MGA: variants seen among roughly 807,000 people sequenced by gnomAD.
The protein encoded by MGA is MAX dimerization protein MGA, also known as MAX gene-associated protein.
Under a neutral mutation model 261.1 loss-of-function variants are expected in MGA, and 40 were observed. The observed-to-expected ratio is 0.15, with a 90% CI of 0.12 to 0.20. MGA has a LOEUF of 0.20. Among genes scored for constraint, MGA ranks in the 10% least tolerant of loss-of-function variants. The pLI is 1.00. For missense variants in MGA, 3,397 were observed against 3,630.5 expected (o/e 0.94, Z 1.65); for synonymous variants, 1,302 against 1,290.6 (o/e 1.01, Z -0.19).
chr15:41,699,297 TC>T lies in MGA; in HGVS notation c.2188+139del, dbSNP rs2059711537. The T allele has an allele frequency of 6.6e-6, 4 of 609,356 alleles. No homozygotes were observed. The Admixed American group carries it at 1.5e-4, about 22-fold the overall frequency. 37.7% of individuals were successfully genotyped at this position (609,356 alleles called of 1,614,324 possible). On this transcript the variant is annotated intron_variant, in intron 5 of 23. Coordinates refer to ENST00000219905, the MANE Select transcript of MGA (RefSeq NM_001164273.2). ...CTTTCTAGCCTTGATTTCATTTCTTTCAGCACGTCTTTCAGTTTGCATATTT... is the reference window on the plus strand; with the variant it reads ...CTTTCTAGCCTTGATTTCATTTCTTTAGCACGTCTTTCAGTTTGCATATTT...
At chr15:41,677,607 A>C (rs2058453706) in intron 2 of MGA, among the ~76,000 whole-genome samples, 1 of 152,228 alleles carries the variant, frequency 6.6e-6, no homozygotes, top group African/African-American at 2.4e-5. Context: ...CCTGGCCAGC[A>C]CTTAACTGTT....
intron 1 of MGA, among the ~76,000 whole-genome samples, chr15:41,644,028 C>G (rs1226158470): frequency 6.6e-6 from 1 of 151,894 alleles, no homozygotes; most frequent in Non-Finnish European, 1.5e-5. Flanking sequence ...CAACATAATT[C>G]TTTTATTTTT....
chr15:41,706,098 C>T (rs572540110), intron 5 of MGA, among the ~76,000 whole-genome samples: 82 of 151,762 alleles, frequency 5.4e-4, no homozygotes, highest in African/African-American at 1.9e-3. Flanking sequence ...TTAGCCGGGC[C>T]TGGTGGCACA....
At chr15:41,670,481 G>A (rs2057988169) in intron 2 of MGA, among the ~76,000 whole-genome samples, 1 of 152,134 alleles carries the variant, frequency 6.6e-6, no homozygotes, top group African/African-American at 2.4e-5. Context: ...CTTCAGTTAT[G>A]CCAGGTAAAT....
At chr15:41,719,963 ATAACT>A (rs761406367) in intron 9 of MGA, among the ~76,000 whole-genome samples, 10 of 147,044 alleles carry the variant, frequency 6.8e-5, no homozygotes, top group South Asian at 2.1e-4. Flanking sequence ...TATTTAAAAA[ATAACT>A]TAGCAAGTGA....
At chr15:41,675,112 C>T (rs189589089) in intron 2 of MGA, among the ~76,000 whole-genome samples, 3 of 152,290 alleles carry the variant, frequency 2.0e-5, no homozygotes, top group East Asian at 1.9e-4. Context: ...CTTTCTTACA[C>T]GTGTCTTTGG....
rs530927124 is a variant in MGA at position 41,769,299 on chromosome 15, CTT to C, written c.*2038_*2039del. On this transcript the variant is annotated 3_prime_UTR_variant, in exon 24 of 24. Coordinates refer to ENST00000219905, the MANE Select transcript of MGA (RefSeq NM_001164273.2). ...AAGGACCATTTTAGCTTAACACTTC[CTT>C]TTTTTTTTTTTTTTTTTTAAGAAGA... is the stretch of plus-strand genomic sequence containing the variant. 0.023 allele frequency: 3,026 copies of C among 132,416 alleles called. 47 individuals are homozygous for C. The highest frequency in any genetic ancestry group is 0.073 in the South Asian group (293 of 4,024). 8.2% of individuals were successfully genotyped at this position (132,416 alleles called of 1,614,324 possible). A position where few individuals can be genotyped will look rare whatever the true frequency, so the allele number is the denominator to read the frequency against.
Position 41,760,528 on chromosome 15 carries a change from G to A in MGA, c.7397G>A (p.Arg2466Gln), listed in dbSNP as rs769953503. The A allele has an allele frequency of 6.2e-7, 1 of 1,613,622 alleles. No homozygotes were observed. The highest frequency in any genetic ancestry group is 1.1e-5 in the South Asian group (1 of 91,062). ...GTTTCCAAAAGTCTCATTCTTACTC[G>A]AGTAAGTGTTCTGTGTAAATGACAG... Residue 2466 changes from arginine to glutamine, a missense_variant and splice_region_variant, in exon 20 of 24, where the codon CGA becomes CAA. Coordinates refer to ENST00000219905, the MANE Select transcript of MGA (RefSeq NM_001164273.2).
At chr15:41,670,776 G>T (rs1164523121) in intron 2 of MGA, among the ~76,000 whole-genome samples, 1 of 152,196 alleles carries the variant, frequency 6.6e-6, no homozygotes, top group Non-Finnish European at 1.5e-5. Context: ...AAGGTGCTGG[G>T]ATTACAGGCG....
chr15:41,640,010 G>A (rs527880711), intron 1 of MGA, among the ~76,000 whole-genome samples: 1 of 152,258 alleles, frequency 6.6e-6, no homozygotes, highest in South Asian at 2.1e-4. Context: ...GTGCACCAAA[G>A]GAGAATGACA....
In MGA at chr15:41,668,875, C is replaced by T. The variant is rs768532647; in HGVS notation, c.-20C>T. The T allele has an allele frequency of 1.3e-6, 2 of 1,518,512 alleles. No individual in the cohort carries two copies. The highest frequency in any genetic ancestry group is 1.4e-5 in the African/African-American group (1 of 72,380). The allele number at this position is 1,518,512 out of a possible 1,614,324, so 94.1% of individuals were successfully genotyped here. A position where few individuals can be genotyped will look rare whatever the true frequency, so the allele number is the denominator to read the frequency against. Reference sequence around the variant, plus strand: ...TGTGGTGATTACAGTTGTCTTACTACTGAGTTTCCTACTGAAATCATGGAG... The same window carrying T: ...TGTGGTGATTACAGTTGTCTTACTATTGAGTTTCCTACTGAAATCATGGAG... On this transcript the variant is annotated 5_prime_UTR_variant, in exon 2 of 24. Coordinates refer to ENST00000219905, the MANE Select transcript of MGA (RefSeq NM_001164273.2).
At chr15:41,733,914 G>GTTTC (rs775157477) in intron 11 of MGA, among the ~76,000 whole-genome samples, 2 of 73,868 alleles carry the variant, frequency 2.7e-5, no homozygotes, top group African/African-American at 8.4e-5. Flanking sequence ...GGCAAATTTT[G>GTTTC]TTTCTTTCTT....
At chr15:41,707,649 G>T in intron 5 of MGA, 79 bp from the exon 6 acceptor site, 1 of 1,363,322 alleles carries the variant, frequency 7.3e-7, no homozygotes, top group Non-Finnish European at 9.9e-7. Context: ...CATCTCCCAG[G>T]CACAAGTTAA....
intron 1 of MGA, among the ~76,000 whole-genome samples, chr15:41,666,318 C>G (rs760364408): frequency 1.3e-5 from 2 of 152,178 alleles, no homozygotes; most frequent in Non-Finnish European, 2.9e-5. Context: ...CTACTGTTTT[C>G]TTTTCTGTCT....
rs144953819 is a variant in MGA at position 41,673,207 on chromosome 15, TTTTC to T, written c.1064+3261_1064+3264del. 1.1e-4 allele frequency among the ~76,000 whole-genome samples: 16 copies of T among 152,148 alleles called. No individual in the cohort carries two copies. The East Asian group carries it at 1.7e-3, about 17-fold the overall frequency. ...GTATTATGCTCTCGTAGTCCTTAGT[TTTTC>T]TTTCTTTCTTTTTTTTTCTTTTTTG... is the stretch of plus-strand genomic sequence containing the variant. On this transcript the variant is annotated intron_variant, in intron 2 of 23. Transcript: ENST00000219905.
intron 2 of MGA, among the ~76,000 whole-genome samples, chr15:41,688,069 A>G (rs1312868240): frequency 1.3e-5 from 2 of 152,114 alleles, no homozygotes; most frequent in African/African-American, 2.4e-5. Context: ...GTGCCTCTTT[A>G]TCTCTGATAA....
chr15:41,692,976 G>A (rs2059362866), intron 2 of MGA, among the ~76,000 whole-genome samples: 1 of 152,096 alleles, frequency 6.6e-6, no homozygotes, highest in Non-Finnish European at 1.5e-5. Context: ...AGGATTATAG[G>A]CGTGAGCCAC....
At chr15:41,685,732 G>T (rs1267164427) in intron 2 of MGA, among the ~76,000 whole-genome samples, 1 of 152,132 alleles carries the variant, frequency 6.6e-6, no homozygotes, top group Non-Finnish European at 1.5e-5. Flanking sequence ...GGTGGCTCAT[G>T]CTTGTAATTC....
At chr15:41,692,647 C>A (rs964222239) in intron 2 of MGA, among the ~76,000 whole-genome samples, 2 of 152,104 alleles carry the variant, frequency 1.3e-5, no homozygotes, top group Non-Finnish European at 2.9e-5. Flanking sequence ...ATGGTTATGG[C>A]AAAAGTGATG....
Sources: allele counts gnomAD v4.1 joint callset (sites outside exome capture counted in the v4.1 genomes callset), GRCh38; gene constraint gnomAD v4.1.1; transcripts MANE v1.5; gene names NCBI Gene and HGNC (gene_info 2026-07-23, HGNC 2026-07-21).